Variants in SLC26A4 observed in about 807,000 individuals in gnomAD.
The protein encoded by SLC26A4 is solute carrier family 26 member 4.
SLC26A4 carries 93 observed loss-of-function variants against 90.4 expected under a neutral mutation model. The ratio of observed to expected loss-of-function variants is 1.03; its 90% CI spans 0.87 to 1.22. The LOEUF is 1.22. Among genes scored for constraint, SLC26A4 ranks in the 50% most tolerant of loss-of-function variants. The pLI is 0.00. For synonymous variants in SLC26A4, 393 were observed against 354.6 expected (o/e 1.11, Z -1.22); for missense variants, 1,127 against 946.2 (o/e 1.19, Z -2.51).
chr7:107,661,760 T>C lies in SLC26A4; in HGVS notation c.119T>C (p.Leu40Pro), dbSNP rs1357739827. The C allele has an allele frequency of 3.2e-6, 5 of 1,544,320 alleles. No homozygotes were observed. Among genetic ancestry groups the C allele is most frequent in the Non-Finnish European group, 3.5e-6 (4 of 1,148,650 alleles). ...TTCCAGCAACAGCACGAGCGGCGCC[T>C]GCAGGAGCGCAAGACGCTGCGGGAG... is the stretch of plus-strand genomic sequence containing the variant. Reference protein sequence around the residue: ...LAFQQQHERRLQERKTLRESL... With the variant: ...LAFQQQHERRPQERKTLRESL... The change falls in exon 2 of 21, where the codon CTG becomes CCG. Residue 40 changes from leucine (L) to proline (P), a missense_variant. By Grantham distance (98) the Leu-to-Pro change is moderately conservative. Transcript: ENST00000644269. The surrounding 1 kb of genome is among the most constrained non-coding windows in gnomAD (Gnocchi z 5.1).
At chr7:107,663,668 T>C (rs1222294030) in intron 3 of SLC26A4, among the ~76,000 whole-genome samples, 1 of 152,150 alleles carries the variant, frequency 6.6e-6, no homozygotes, top group East Asian at 1.9e-4. Flanking sequence ...TACTAGGCAG[T>C]GGCTTCTCAA....
intron 3 of SLC26A4, 80 bp downstream of exon 3, chr7:107,663,515 G>T: frequency 6.7e-7 from 1 of 1,494,310 alleles, no homozygotes; most frequent in Non-Finnish European, 9.3e-7. Context: ...GTCTGTGACA[G>T]ATGGTTGCTT....
intron 3 of SLC26A4, among the ~76,000 whole-genome samples, chr7:107,670,439 A>G (rs1790832584): frequency 1.3e-5 from 2 of 151,904 alleles, no homozygotes; most frequent in South Asian, 2.1e-4. Flanking sequence ...ACACTCCCAC[A>G]GGCTGGAGTG....
chr7:107,661,828 TAG>T lies in SLC26A4; in HGVS notation c.164+29_164+30del. The T allele has an allele frequency of 6.5e-7, 1 of 1,529,586 alleles. No individual in the cohort carries two copies. The highest frequency in any genetic ancestry group is 8.8e-7 in the Non-Finnish European group (1 of 1,142,438). The allele number at this position is 1,529,586 out of a possible 1,614,324, so 94.8% of individuals were successfully genotyped here. A position where few individuals can be genotyped will look rare whatever the true frequency, so the allele number is the denominator to read the frequency against. On this transcript the variant is annotated intron_variant, in intron 2 of 20. Transcript: ENST00000644269. The surrounding 1 kb of genome is among the most constrained non-coding windows in gnomAD (Gnocchi z 5.1). ...CAGGTAGCGGCCGCGCGGGCCTGCG[TAG>T]AGAGAAGCGGAGCGGGGCGTCCACG...
At position 107,695,953 on chromosome 7, in the gene SLC26A4, T is replaced by C; in HGVS notation, c.1458T>C (p.Cys486=). Residue 486 remains cysteine (C), a synonymous_variant, in exon 13 of 21, where the codon TGT becomes TGC. Transcript: ENST00000644269. Reference sequence around the variant, plus strand: ...CCTAGGTTATCTGGGTGTTTACGTGTATAGTGTCCATCATTCTGGGGCTGG... The same window carrying C: ...CCTAGGTTATCTGGGTGTTTACGTGCATAGTGTCCATCATTCTGGGGCTGG... ...KIDAVIWVFT[C]IVSIILGLDL... 6.2e-7 allele frequency: 1 copy of C among 1,605,184 alleles called. No individual in the cohort carries two copies. Among genetic ancestry groups the C allele is most frequent in the Non-Finnish European group, 8.5e-7 (1 of 1,171,916 alleles).
chr7:107,693,477 A>T, intron 10 of SLC26A4: 2 of 985,460 alleles, frequency 2.0e-6, no homozygotes, highest in Non-Finnish European at 2.4e-6. Flanking sequence ...CTTGTGCTCA[A>T]CAAAATCTTC....
At chr7:107,710,511 T>C (rs1202919787) in intron 19 of SLC26A4, among the ~76,000 whole-genome samples, 1 of 152,222 alleles carries the variant, frequency 6.6e-6, no homozygotes, top group Non-Finnish European at 1.5e-5. Context: ...GAATCTTGGA[T>C]CTTTTGTGAT....
intron 3 of SLC26A4, among the ~76,000 whole-genome samples, chr7:107,669,569 T>A (rs1256808202): frequency 6.6e-6 from 1 of 152,232 alleles, no homozygotes; most frequent in Non-Finnish European, 1.5e-5. Flanking sequence ...GACTACTGAC[T>A]ATTGCAATTC....
At chr7:107,676,876 G>C (rs1791037417) in intron 6 of SLC26A4, among the ~76,000 whole-genome samples, 1 of 152,110 alleles carries the variant, frequency 6.6e-6, no homozygotes, top group Non-Finnish European at 1.5e-5. Context: ...GAATAACATA[G>C]TGAATAAGAT....
chr7:107,667,460 T>TAAAA (rs1562820547), intron 3 of SLC26A4, among the ~76,000 whole-genome samples: 1,424 of 26,406 alleles, frequency 0.054, 210 homozygotes, highest in Non-Finnish European at 0.072. Flanking sequence ...GAGAGAAGGT[T>TAAAA]TAAAAAAAAA....
intron 13 of SLC26A4, among the ~76,000 whole-genome samples, chr7:107,696,385 C>T (rs928004975): frequency 2.6e-5 from 4 of 152,152 alleles, no homozygotes; most frequent in African/African-American, 9.7e-5. Flanking sequence ...TGTGGTAAGA[C>T]TAAAAAGTAC....
intron 18 of SLC26A4, among the ~76,000 whole-genome samples, chr7:107,709,245 G>T (rs551085474): frequency 8.0e-4 from 122 of 152,290 alleles, no homozygotes; most frequent in Non-Finnish European, 1.5e-3. Flanking sequence ...GGCCAGCCAT[G>T]TGTGGGGATG....
chr7:107,683,335 T>G lies in SLC26A4; in HGVS notation c.899T>G (p.Ile300Ser), dbSNP rs1322266321. 3.7e-6 allele frequency: 6 copies of G among 1,613,738 alleles called. No individual in the cohort carries two copies. The highest frequency in any genetic ancestry group is 3.3e-5 in the South Asian group (3 of 91,084). ...TTTAGACACAAAATCCCAGTCCCTA[T>G]TCCTATAGAAGTAATTGTGGTAAGT... ...DRFRHKIPVP[I>S]PIEVIVTIIA... is the part of the protein sequence containing the mutation. The change falls in exon 7 of 21, where the codon ATT becomes AGT. Residue 300 changes from isoleucine to serine, a missense_variant. Transcript: ENST00000644269.
rs759414956 is a variant in SLC26A4, at chr7:107,701,100, G to A, written c.1708-1G>A. 1.3e-6 allele frequency: 2 copies of A among 1,583,804 alleles called. No individual in the cohort carries two copies. Among genetic ancestry groups the A allele is most frequent in the Admixed American group, 3.3e-5 (2 of 59,936 alleles). On this transcript the variant is annotated splice_acceptor_variant, in intron 15 of 20. Transcript: ENST00000644269. LOFTEE classifies it high-confidence loss of function. Reference sequence around the variant, plus strand: ...AAGTAACTTGACATTTATTTCCAAAGGTTGGATTTGATGCCATTAGAGTAT... The same window carrying A: ...AAGTAACTTGACATTTATTTCCAAAAGTTGGATTTGATGCCATTAGAGTAT...
chr7:107,708,544 CT>C (rs1792092558), intron 18 of SLC26A4, among the ~76,000 whole-genome samples: 1 of 152,078 alleles, frequency 6.6e-6, no homozygotes, highest in African/African-American at 2.4e-5. Flanking sequence ...GATTGCCAAG[CT>C]AGAGTTAAGT....
At chr7:107,665,820 C>G (rs1790694421) in intron 3 of SLC26A4, among the ~76,000 whole-genome samples, 1 of 152,176 alleles carries the variant, frequency 6.6e-6, no homozygotes, top group Admixed American at 6.5e-5. Flanking sequence ...TGCCCAGGGT[C>G]ACGTGGCTGG....
chr7:107,677,108 T>C (rs1584309980), intron 6 of SLC26A4, among the ~76,000 whole-genome samples: 1 of 152,110 alleles, frequency 6.6e-6, no homozygotes, highest in East Asian at 1.9e-4. Context: ...GCTCAGGAAG[T>C]TGAGGCTGCA....
At position 107,698,101 on chromosome 7, in the gene SLC26A4, A is replaced by G; in HGVS notation, c.1604A>G (p.Asn535Ser). The G allele has an allele frequency of 6.2e-7, 1 of 1,605,898 alleles. No individual in the cohort carries two copies. Among genetic ancestry groups the G allele is most frequent in the Non-Finnish European group, 8.5e-7 (1 of 1,172,568 alleles). ...PSTDIYKSTK[N>S]YKNIEEPQGV... ...ACAGATATCTACAAAAGTACCAAGAATTACAAAAACGTAAGTACCTTTGTG... is the reference window on the plus strand; with the variant it reads ...ACAGATATCTACAAAAGTACCAAGAGTTACAAAAACGTAAGTACCTTTGTG... The change falls in exon 14 of 21, where the codon AAT becomes AGT. Residue 535 changes from asparagine (N) to serine (S), a missense_variant. By Grantham distance (46) the Asn-to-Ser change is conservative. Coordinates refer to ENST00000644269, the MANE Select transcript of SLC26A4 (RefSeq NM_000441.2).
Position 107,683,269 on chromosome 7 carries a change from C to A in SLC26A4, c.833C>A (p.Thr278Asn). ...GCTGATTTCACTGCTGGATTGCTCA[C>A]CATTGTCGTCTGTATGGCAGTTAAG... ...NLADFTAGLL[T>N]IVVCMAVKEL... Residue 278 changes from threonine to asparagine, a missense_variant, in exon 7 of 21, where the codon ACC (threonine) becomes AAC (asparagine). By Grantham distance (65) the Thr-to-Asn change is moderately conservative. Transcript: ENST00000644269. The A allele has an allele frequency of 1.9e-6, 3 of 1,613,224 alleles. No homozygotes were observed. The highest frequency in any genetic ancestry group is 3.5e-4 in the Middle Eastern group (2 of 5,736).
Sources: gnomAD v4.1 joint callset for allele counts (sites outside exome capture counted in the v4.1 genomes callset) on GRCh38, gnomAD v4.1.1 for gene constraint, Gnocchi (gnomAD v3.1) non-coding constraint, MANE v1.5 for transcripts, NCBI Gene and HGNC (gene_info 2026-07-23, HGNC 2026-07-21) for gene names.